Variants in CDH23 observed in about 807,000 individuals in gnomAD.
CDH23 encodes cadherin related 23, also known as cadherin-23.
A neutral mutation model predicts 317.1 loss-of-function variants in CDH23; 189 were observed. The ratio of observed to expected loss-of-function variants is 0.60; its 90% confidence interval spans 0.53 to 0.67. The LOEUF (loss-of-function observed/expected upper bound fraction) is 0.67, where lower values mean the gene tolerates loss of function less well. CDH23 is among the 30% of genes least tolerant of loss of function. The pLI is 0.00. For missense variants in CDH23, 4,401 were observed against 4,592.4 expected, an observed-to-expected ratio of 0.96 and a Z score of 1.20; for synonymous variants, 1,839 against 1,876.8, an observed-to-expected ratio of 0.98 and a Z score of 0.52.
chr10:71,717,785 A>G (rs1442271184), intron 28 of CDH23: 2 of 152,284 alleles, frequency 1.3e-5, no homozygotes, highest in African/African-American at 4.8e-5. Context: ...GGATTTTTTT[A>G]AAGGCAAACA....
At chr10:71,812,415 C>A in intron 66 of CDH23, 65 bp from the exon 67 acceptor site, 1 of 1,609,626 alleles carries the variant, frequency 6.2e-7, no homozygotes, top group East Asian at 2.2e-5. Flanking sequence ...TGGGGTGAGG[C>A]TGGAAGGGCA....
Position 71,814,960 on chromosome 10 carries a change from G to T in CDH23, c.9747G>T (p.Gln3249His). The stretch of plus-strand genomic sequence containing the variant: ...GTCCCGGCCTCTTGCAGCTGATACA[G>T]ACTGAGCTGGACGAGGAGCCAGGAG... ...SCHSSISELI[Q>H]TELDEEPGDH... Residue 3249 changes from glutamine to histidine, a missense_variant, in exon 70 of 70, where the codon CAG becomes CAT. Transcript: ENST00000224721. The T allele has an allele frequency of 4.3e-6, 7 of 1,611,038 alleles. No individual in the cohort carries two copies. Among genetic ancestry groups the T allele is most frequent in the South Asian group, 1.1e-5 (1 of 90,892 alleles).
chr10:71,670,922 G>A (rs553604703), intron 14 of CDH23, among the ~76,000 whole-genome samples: 1 of 151,368 alleles, frequency 6.6e-6, no homozygotes, highest in Admixed American at 6.6e-5. Context: ...GGAGCCTGGA[G>A]CACAGTTGAG....
chr10:71,583,882 T>G (rs1858836462), intron 9 of CDH23, among the ~76,000 whole-genome samples: 1 of 152,192 alleles, frequency 6.6e-6, no homozygotes, highest in Non-Finnish European at 1.5e-5. Context: ...GAGCAGAGAT[T>G]TGAACCCAAG....
At chr10:71,416,180 A>G (rs1170038575) in intron 1 of CDH23, among the ~76,000 whole-genome samples, 1 of 152,144 alleles carries the variant, frequency 6.6e-6, no homozygotes, top group Non-Finnish European at 1.5e-5. Context: ...GCGCACCACC[A>G]TGCCCGGCTA....
At chr10:71,485,589 G>A (rs970470192) in intron 3 of CDH23, among the ~76,000 whole-genome samples, 5 of 152,258 alleles carry the variant, frequency 3.3e-5, no homozygotes, top group African/African-American at 1.2e-4. Flanking sequence ...GCCAGAGTCA[G>A]CCAGGGCAGG....
At chr10:71,544,780 C>G (rs566691306) in intron 6 of CDH23, among the ~76,000 whole-genome samples, 1 of 152,330 alleles carries the variant, frequency 6.6e-6, no homozygotes, top group East Asian at 1.9e-4. Context: ...GATAGTGCTC[C>G]GTTTTCTAAC....
intron 6 of CDH23, among the ~76,000 whole-genome samples, chr10:71,564,727 G>A (rs1431800851): frequency 6.6e-6 from 1 of 152,248 alleles, no homozygotes; most frequent in East Asian, 1.9e-4. Flanking sequence ...GACTGGCCGA[G>A]TGCTCTGAAG....
intron 7 of CDH23, among the ~76,000 whole-genome samples, chr10:71,567,138 C>T (rs1348239414): frequency 6.6e-6 from 1 of 152,140 alleles, no homozygotes; most frequent in Non-Finnish European, 1.5e-5. Flanking sequence ...GCTGAGCACT[C>T]AAAGGGACTT....
intron 8 of CDH23, among the ~76,000 whole-genome samples, chr10:71,574,018 A>C (rs1282952879): frequency 6.6e-6 from 1 of 152,022 alleles, no homozygotes; most frequent in African/African-American, 2.4e-5. Flanking sequence ...GTCCCTTTAC[A>C]GTGTAGAACC....
chr10:71,775,801 G>A (rs1195472317), intron 38 of CDH23, among the ~76,000 whole-genome samples: 1 of 152,190 alleles, frequency 6.6e-6, no homozygotes, highest in Non-Finnish European at 1.5e-5. Context: ...TAGTGGTGAA[G>A]GCCCCAAATA....
intron 9 of CDH23, among the ~76,000 whole-genome samples, chr10:71,579,534 A>G (rs1363555992): frequency 2.6e-5 from 4 of 152,198 alleles, no homozygotes; most frequent in Non-Finnish European, 4.4e-5. Flanking sequence ...GGCTCCTACC[A>G]AAACTACGAA....
intron 3 of CDH23, among the ~76,000 whole-genome samples, chr10:71,496,143 C>T (rs1360880042): frequency 6.6e-6 from 1 of 152,158 alleles, no homozygotes; most frequent in Non-Finnish European, 1.5e-5. Flanking sequence ...CTGTCTGGGT[C>T]CTGCACTAGA....
chr10:71,677,416 C>A, intron 15 of CDH23, 40 bp from the exon 16 acceptor site: 2 of 1,521,360 alleles, frequency 1.3e-6, no homozygotes, highest in Non-Finnish European at 1.8e-6. Context: ...CTGTTTTAAA[C>A]CACGGTGTTC....
intron 27 of CDH23, 127 bp from the exon 28 acceptor site, chr10:71,712,538 A>G: frequency 9.8e-7 from 1 of 1,017,172 alleles, no homozygotes. Flanking sequence ...CACCCCTTGC[A>G]AAGGCTAGGG....
intron 3 of CDH23, among the ~76,000 whole-genome samples, chr10:71,486,489 G>T (rs1448888635): frequency 6.6e-6 from 1 of 152,010 alleles, no homozygotes; most frequent in Non-Finnish European, 1.5e-5. Context: ...ACATGACAGG[G>T]GCTCGAGGGG....
chr10:71,682,662 C>T, intron 18 of CDH23, 90 bp downstream of exon 18: 3 of 1,507,918 alleles, frequency 2.0e-6, no homozygotes, highest in Non-Finnish European at 1.8e-6. Flanking sequence ...CTGTGGCCCC[C>T]ACCTCCTTGG....
chr10:71,577,089 G>A (rs997112943), intron 8 of CDH23, among the ~76,000 whole-genome samples: 1 of 152,096 alleles, frequency 6.6e-6, no homozygotes, highest in African/African-American at 2.4e-5. Flanking sequence ...TCCTCCAGGT[G>A]GACTTCTCCC....
chr10:71,634,210 C>T (rs1351539599), intron 11 of CDH23, among the ~76,000 whole-genome samples: 1 of 152,242 alleles, frequency 6.6e-6, no homozygotes, highest in African/African-American at 2.4e-5. Context: ...GCGAGTACTC[C>T]CTCTCTGCGG....
Sources: gnomAD v4.1 joint callset for allele counts (sites outside exome capture counted in the v4.1 genomes callset) on GRCh38, gnomAD v4.1.1 for gene constraint, MANE v1.5 for transcripts, NCBI Gene and HGNC (gene_info 2026-07-23, HGNC 2026-07-21) for gene names.